DNAH5: variants seen among roughly 807,000 people sequenced by gnomAD.
DNAH5 encodes dynein axonemal heavy chain 5, also known as axonemal beta dynein heavy chain 5.
Under a neutral mutation model 518.2 loss-of-function variants are expected in DNAH5, and 372 were observed. The ratio of observed to expected loss-of-function variants is 0.72; its 90% confidence interval spans 0.66 to 0.78. The LOEUF (loss-of-function observed/expected upper bound fraction) is 0.78, where lower values mean the gene tolerates loss of function less well. Ranked by LOEUF, DNAH5 falls within the 30% of genes least tolerant of loss-of-function variation. DNAH5 has a pLI of 0.00. For synonymous variants in DNAH5, 2,039 were observed against 2,025.9 expected (o/e 1.01, Z -0.17); for missense variants, 5,523 against 5,687.0 (o/e 0.97, Z 0.93).
chr5:13,941,315 G>A (rs942427652), intron 1 of DNAH5, among the ~76,000 whole-genome samples: 2 of 152,132 alleles, frequency 1.3e-5, no homozygotes, highest in Admixed American at 6.5e-5. Flanking sequence ...CTACGATGGC[G>A]CCACTGCAGT....
intron 39 of DNAH5, 86 bp downstream of exon 39, chr5:13,824,113 T>C: frequency 1.5e-6 from 2 of 1,319,472 alleles, no homozygotes; most frequent in Middle Eastern, 1.8e-4. Context: ...ATGAGCATTT[T>C]AAATAAATAT....
At chr5:13,939,151 G>C (rs1028420421) in intron 1 of DNAH5, among the ~76,000 whole-genome samples, 1 of 152,084 alleles carries the variant, frequency 6.6e-6, no homozygotes, top group Non-Finnish European at 1.5e-5. Flanking sequence ...TGATTTATTC[G>C]ATAGCAGCAG....
chr5:13,909,973 T>C (rs576510607), intron 12 of DNAH5, among the ~76,000 whole-genome samples: 1 of 152,316 alleles, frequency 6.6e-6, no homozygotes, highest in South Asian at 2.1e-4. Flanking sequence ...CCATCTATAT[T>C]CCACATATAA....
intron 50 of DNAH5, among the ~76,000 whole-genome samples, chr5:13,789,489 A>C (rs1048382240): frequency 1.3e-5 from 2 of 152,240 alleles, no homozygotes; most frequent in African/African-American, 2.4e-5. Flanking sequence ...AATGTATGTA[A>C]GCAAGAATAA....
At chr5:13,823,794 G>A (rs913589815) in intron 39 of DNAH5, among the ~76,000 whole-genome samples, 44 of 152,128 alleles carry the variant, frequency 2.9e-4, no homozygotes, top group African/African-American at 9.7e-4. Flanking sequence ...ATAGATCCAC[G>A]GATAGTGGGC....
At chr5:13,777,957 G>A (rs1754353619) in intron 53 of DNAH5, among the ~76,000 whole-genome samples, 1 of 152,158 alleles carries the variant, frequency 6.6e-6, no homozygotes, top group African/African-American at 2.4e-5. Flanking sequence ...GCAATCTTTA[G>A]GTGGAAGTGA....
chr5:13,705,416 T>C (rs1021838961), intron 76 of DNAH5, among the ~76,000 whole-genome samples: 18 of 152,234 alleles, frequency 1.2e-4, no homozygotes, highest in Admixed American at 2.6e-4. Flanking sequence ...TTCTACAGCA[T>C]ACATATCTTT....
chr5:13,761,937 T>C (rs1166264637), intron 60 of DNAH5, among the ~76,000 whole-genome samples: 3 of 152,210 alleles, frequency 2.0e-5, no homozygotes, highest in Admixed American at 2.0e-4. Context: ...TGATTATTTG[T>C]ATGATGATTG....
At chr5:13,746,993 C>T (rs1749443850) in intron 65 of DNAH5, among the ~76,000 whole-genome samples, 1 of 152,064 alleles carries the variant, frequency 6.6e-6, no homozygotes. Context: ...CACCCATTAA[C>T]TCGTCATTTA....
intron 50 of DNAH5, 133 bp downstream of exon 50, chr5:13,791,861 G>T (rs113242982): frequency 0.012 from 7,976 of 692,268 alleles, 108 homozygotes; most frequent in African/African-American, 0.032. Flanking sequence ...TAGTTTAAAA[G>T]CAGTAAAGAA....
intron 40 of DNAH5, among the ~76,000 whole-genome samples, chr5:13,821,815 T>G (rs1304303605): frequency 6.6e-6 from 1 of 152,264 alleles, no homozygotes; most frequent in South Asian, 2.1e-4. Context: ...TTTTTAGAGA[T>G]AGAGTCTCAT....
chr5:13,708,043 CT>C, intron 76 of DNAH5, 79 bp downstream of exon 76: 1 of 1,463,652 alleles, frequency 6.8e-7, no homozygotes, highest in Non-Finnish European at 9.6e-7. Context: ...GTAAATTATC[CT>C]TTCATGCTTT....
chr5:13,938,567 A>G (rs1779172180), intron 1 of DNAH5, among the ~76,000 whole-genome samples: 1 of 148,708 alleles, frequency 6.7e-6, no homozygotes, highest in African/African-American at 2.6e-5. Context: ...AAATATATAA[A>G]CGTACATATA....
intron 41 of DNAH5, among the ~76,000 whole-genome samples, chr5:13,819,943 T>A (rs1183242501): frequency 6.6e-6 from 1 of 152,136 alleles, no homozygotes; most frequent in African/African-American, 2.4e-5. Context: ...AATGGCATGG[T>A]ATGTTGGGAA....
intron 47 of DNAH5, among the ~76,000 whole-genome samples, chr5:13,802,753 C>T (rs967780493): frequency 4.6e-5 from 7 of 152,180 alleles, no homozygotes; most frequent in South Asian, 4.1e-4. Flanking sequence ...AAAATCTGCA[C>T]GACCTGCAAG....
chr5:13,943,404 G>T (rs1270233599), intron 1 of DNAH5, among the ~76,000 whole-genome samples: 1 of 152,202 alleles, frequency 6.6e-6, no homozygotes, highest in African/African-American at 2.4e-5. Context: ...TGCTGACAGG[G>T]TACAGGAAGG....
chr5:13,982,785 T>C (rs1581106639), intron 1 of DNAH5, among the ~76,000 whole-genome samples: 1 of 152,274 alleles, frequency 6.6e-6, no homozygotes, highest in Non-Finnish European at 1.5e-5. Context: ...TTCTGCCTTT[T>C]TGCAAGAGGC....
At chr5:13,793,250 T>C (rs1211553883) in intron 49 of DNAH5, among the ~76,000 whole-genome samples, 1 of 152,196 alleles carries the variant, frequency 6.6e-6, no homozygotes, top group Non-Finnish European at 1.5e-5. Flanking sequence ...CCATGTTCAT[T>C]TAATGTTAAA....
At position 13,809,117 on chromosome 5, in the gene DNAH5, C is replaced by T. The variant is rs1554058022; in HGVS notation, c.7679G>A (p.Gly2560Asp). 6.2e-7 allele frequency: 1 copy of T among 1,614,046 alleles called. No homozygotes were observed. The highest frequency in any genetic ancestry group is 8.5e-7 in the Non-Finnish European group (1 of 1,179,912). Residue 2560 changes from glycine to aspartate, a missense_variant, in exon 46 of 79, where the codon GGT (glycine) becomes GAT (aspartate). Physicochemically the swap from Gly to Asp is moderately conservative, Grantham distance 94. Coordinates refer to ENST00000265104, the MANE Select transcript of DNAH5 (RefSeq NM_001369.3). Reference sequence around the variant, plus strand: ...GTCAACATTTGGCACCAGAATAGAACCATACTCTGGGGTGGTATCAGACGG... The same window carrying T: ...GTCAACATTTGGCACCAGAATAGAATCATACTCTGGGGTGGTATCAGACGG... ...LYPSDTTPEY[G>D]SILVPNVDNV...
Sources: gnomAD v4.1 joint callset for allele counts (sites outside exome capture counted in the v4.1 genomes callset) on GRCh38, gnomAD v4.1.1 for gene constraint, MANE v1.5 for transcripts, NCBI Gene and HGNC (gene_info 2026-07-23, HGNC 2026-07-21) for gene names.